TMLHE: variants seen among roughly 807,000 people sequenced by gnomAD.
TMLHE encodes the protein trimethyllysine dioxygenase, mitochondrial.
A neutral mutation model predicts 25.7 loss-of-function variants in TMLHE; 18 were observed. That is an observed-to-expected ratio of 0.70 (90% CI 0.48 to 1.04). The LOEUF is 1.04. Ranked by LOEUF, TMLHE falls within the 50% of genes least tolerant of loss-of-function variation. The pLI, the probability that TMLHE is intolerant of heterozygous loss-of-function variation, is 0.00. For synonymous variants in TMLHE, 105 were observed against 97.0 expected, an observed-to-expected ratio of 1.08 and a Z score of -0.49; for missense variants, 236 against 259.0, an observed-to-expected ratio of 0.91 and a Z score of 0.61.
At chrX:155,568,178 G>A (rs1280483344) in intron 1 of TMLHE, among the ~76,000 whole-genome samples, 4 of 61,628 alleles carry the variant, frequency 6.5e-5, no homozygotes, top group African/African-American at 1.4e-4. Flanking sequence ...CGCACCAGGA[G>A]ATTATATCCC....
intron 1 of TMLHE, chrX:155,611,695 C>A (rs1447959462): frequency 9.0e-6 from 1 of 111,538 alleles, no homozygotes; most frequent in Non-Finnish European, 1.9e-5. Context: ...CCTTACTTAA[C>A]GTCTTCTGGT....
intron 4 of TMLHE, 150 bp downstream of exon 4, chrX:155,513,836 T>A: frequency 1.9e-6 from 1 of 527,528 alleles, no homozygotes; most frequent in South Asian, 3.5e-5. Context: ...AGACCTCAAA[T>A]AAAGTACTGC....
intron 1 of TMLHE, among the ~76,000 whole-genome samples, chrX:155,605,161 G>A (rs782362271): frequency 4.5e-5 from 5 of 112,049 alleles, no homozygotes; most frequent in Non-Finnish European, 9.4e-5. Flanking sequence ...GGAATTTAAG[G>A]ATTATAATAA....
intron 3 of TMLHE, among the ~76,000 whole-genome samples, chrX:155,522,044 C>T (rs896426632): frequency 9.0e-6 from 1 of 111,640 alleles, no homozygotes; most frequent in African/African-American, 3.3e-5. Context: ...CTTGGCTCCT[C>T]CCCCCAACAA....
intron 1 of TMLHE, among the ~76,000 whole-genome samples, chrX:155,577,421 T>TA (rs2067597757): frequency 1.8e-5 from 2 of 108,946 alleles, no homozygotes; most frequent in Admixed American, 9.8e-5. Context: ...CTACTAAAAA[T>TA]AAAAAAAATT....
intron 1 of TMLHE, among the ~76,000 whole-genome samples, chrX:155,588,904 T>G (rs10126672): frequency 1.3e-3 from 147 of 111,799 alleles, no homozygotes; most frequent in African/African-American, 4.6e-3. Context: ...AGCACAACTA[T>G]GGAAACAGTA....
chrX:155,583,705 G>A (rs2067646963), intron 1 of TMLHE, among the ~76,000 whole-genome samples: 1 of 112,007 alleles, frequency 8.9e-6, no homozygotes, highest in African/African-American at 3.2e-5. Context: ...AAACAACAGA[G>A]AAACAGAAAA....
intron 6 of TMLHE, among the ~76,000 whole-genome samples, chrX:155,505,420 A>AG (rs2067070700): frequency 9.0e-6 from 1 of 111,711 alleles, no homozygotes; most frequent in Non-Finnish European, 1.9e-5. Flanking sequence ...CCTACAAGCC[A>AG]GGGGTAAAGG....
chrX:155,491,943 C>G (rs1360084007), intron 7 of TMLHE, among the ~76,000 whole-genome samples: 4 of 20,172 alleles, frequency 2.0e-4, no homozygotes, highest in Admixed American at 4.8e-4. Flanking sequence ...TAATTGTTCT[C>G]TTATCAAAGT....
intron 1 of TMLHE, among the ~76,000 whole-genome samples, chrX:155,567,251 A>G (rs2067514234): frequency 1.6e-5 from 1 of 62,954 alleles, no homozygotes; most frequent in Non-Finnish European, 4.5e-5. Context: ...AAGAAACAGC[A>G]TCTCCTGAAA....
At chrX:155,605,675 C>T (rs1267513091) in intron 1 of TMLHE, among the ~76,000 whole-genome samples, 1 of 111,990 alleles carries the variant, frequency 8.9e-6, no homozygotes, top group Admixed American at 9.5e-5. Context: ...CACTATAAAG[C>T]AACCACGTGA....
intron 4 of TMLHE, among the ~76,000 whole-genome samples, chrX:155,512,500 A>C (rs886336163): frequency 1.9e-4 from 21 of 110,479 alleles, no homozygotes; most frequent in African/African-American, 5.3e-4. Context: ...ACATGAACTC[A>C]TCATTTTTTA....
intron 1 of TMLHE, among the ~76,000 whole-genome samples, chrX:155,591,906 G>A (rs782810755): frequency 3.6e-5 from 4 of 111,983 alleles, no homozygotes; most frequent in Non-Finnish European, 7.5e-5. Context: ...CATGCTCACT[G>A]CAACACTATT....
At chrX:155,580,959 A>C (rs1288209568) in intron 1 of TMLHE, among the ~76,000 whole-genome samples, 1 of 111,989 alleles carries the variant, frequency 8.9e-6, no homozygotes, top group Non-Finnish European at 1.9e-5. Flanking sequence ...TCAGCACATC[A>C]AAAAGCTTAT....
chrX:155,516,029 T>TA (rs1557334922), intron 3 of TMLHE, among the ~76,000 whole-genome samples: 1 of 88,198 alleles, frequency 1.1e-5, no homozygotes, highest in Admixed American at 1.3e-4. Context: ...TTTTTTTTTT[T>TA]ATTATACTCT....
At chrX:155,534,801 A>G (rs1410947150) in intron 2 of TMLHE, among the ~76,000 whole-genome samples, 1 of 111,257 alleles carries the variant, frequency 9.0e-6, no homozygotes, top group South Asian at 3.8e-4. Flanking sequence ...GAATTTGGGG[A>G]ATCTATGGGT....
At chrX:155,548,471 C>T (rs904018118) in intron 1 of TMLHE, among the ~76,000 whole-genome samples, 3 of 108,859 alleles carry the variant, frequency 2.8e-5, no homozygotes, top group African/African-American at 7.1e-5. Flanking sequence ...CACGGTGGCT[C>T]ATGCCTGAAA....
Position 155,548,829 on chromosome X carries a change from G to A in TMLHE, c.-1-3552C>T, listed in dbSNP as rs184966528. On this transcript the variant is annotated intron_variant, in intron 1 of 7. Transcript: ENST00000334398. ...ACATTTCTAAGAGAAAACACATATGGTCAATATGGTCAATCAATTCATGAA... is the reference window on the plus strand; with the variant it reads ...ACATTTCTAAGAGAAAACACATATGATCAATATGGTCAATCAATTCATGAA... Among the ~76,000 whole-genome samples the A allele has an allele frequency of 2.3e-3, 252 of 110,696 alleles. 5 individuals carry two copies. The highest frequency in any genetic ancestry group is 4.5e-4 in the Non-Finnish European group (24 of 52,921).
At chrX:155,546,995 A>T (rs1451628513) in intron 1 of TMLHE, among the ~76,000 whole-genome samples, 3 of 111,295 alleles carry the variant, frequency 2.7e-5, no homozygotes, top group African/African-American at 9.8e-5. Flanking sequence ...TGCTATCTGG[A>T]TCTTCAAAGA....
Sources: allele counts gnomAD v4.1 joint callset (sites outside exome capture counted in the v4.1 genomes callset), GRCh38; gene constraint gnomAD v4.1.1; transcripts MANE v1.5; gene names NCBI Gene and HGNC (gene_info 2026-07-23, HGNC 2026-07-21).